Variants in PTOV1 observed in about 807,000 individuals in gnomAD.
PTOV1 encodes the protein PTOV1 extended AT-hook containing adaptor protein, also known as prostate tumor-overexpressed gene 1 protein.
In PTOV1, 20 loss-of-function variants were observed where a neutral mutation model predicts 58.0. That is an observed-to-expected ratio of 0.34 (90% CI 0.24 to 0.50). PTOV1 has a LOEUF of 0.50. Ranked by LOEUF, PTOV1 falls within the 20% of genes least tolerant of loss-of-function variation. The pLI is 0.98. For missense variants in PTOV1, 593 were observed against 565.4 expected, an observed-to-expected ratio of 1.05 and a Z score of -0.50; for synonymous variants, 335 against 234.2, an observed-to-expected ratio of 1.43 and a Z score of -3.93.
chr19:49,860,459 CAGCGGTCCT>C (rs1600408901), exon 12 of PTOV1: 2 of 970,860 alleles, frequency 2.1e-6, no homozygotes, highest in Non-Finnish European at 3.0e-6. Flanking sequence ...GCAGCAGTCC[CAGCGGTCCT>C]AGGCTGTCGG....
chr19:49,855,103 C>T, intron 5 of PTOV1, 26 bp downstream of exon 5: 2 of 1,547,544 alleles, frequency 1.3e-6, no homozygotes, highest in South Asian at 1.2e-5. Flanking sequence ...TCCCTTGTAG[C>T]ACTGTGGTGA....
At chr19:49,850,780 T>C (rs1325820613), upstream of PTOV1, 4 of 1,430,306 alleles carry the variant, frequency 2.8e-6, no homozygotes, top group East Asian at 2.5e-5. Flanking sequence ...GTGGGTTCCC[T>C]TTCAGTGGGT....
rs927374719 is a variant in PTOV1 at position 49,855,272 on chromosome 19, T to A, written c.558+195T>A. The A allele has an allele frequency of 5.0e-6, 3 of 596,986 alleles. No homozygotes were observed. In the African/African-American group the frequency reaches 5.6e-5, roughly 11 times the overall value. The allele number at this position is 596,986 out of a possible 1,614,324, so 37.0% of individuals were successfully genotyped here. A position where few individuals can be genotyped will look rare whatever the true frequency, so the allele number is the denominator to read the frequency against. ...GAGCACAGGGTGAAGGAACTCAGCC[T>A]GAGAGGCCTCCAGTTTCTGCATCTG... On this transcript the variant is annotated intron_variant, in intron 5 of 11. Coordinates refer to ENST00000391842, the Ensembl canonical transcript of PTOV1.
chr19:49,853,957 G>C (rs2074358055), intron 1 of PTOV1, among the ~76,000 whole-genome samples: 1 of 152,256 alleles, frequency 6.6e-6, no homozygotes, highest in African/African-American at 2.4e-5. Flanking sequence ...GCCTGGGAAA[G>C]ACAGGGCAAG....
Position 49,854,398 on chromosome 19 carries a change from C to T in PTOV1, c.172-8C>T, listed in dbSNP as rs773625995. 3.1e-6 allele frequency: 5 copies of T among 1,605,868 alleles called. No homozygotes were observed. The highest frequency in any genetic ancestry group is 3.4e-6 in the Non-Finnish European group (4 of 1,175,910). On this transcript the variant is annotated splice_polypyrimidine_tract_variant and splice_region_variant and intron_variant, in intron 1 of 11. Coordinates refer to ENST00000391842, the Ensembl canonical transcript of PTOV1. ...CAGTTTTCCCACCTATCCCCCACTCCATTGCAGGAAGGTGCTCGGGTCTTC... is the reference window on the plus strand; with the variant it reads ...CAGTTTTCCCACCTATCCCCCACTCTATTGCAGGAAGGTGCTCGGGTCTTC...
intron 5 of PTOV1, 120 bp from the exon 6 acceptor site, chr19:49,856,853 CTG>C: frequency 1.7e-6 from 2 of 1,210,110 alleles, no homozygotes; most frequent in South Asian, 2.8e-5. Context: ...ATGGCCTTGA[CTG>C]TGGGGGCCTC....
At chr19:49,852,901 C>T (rs2074308491) in intron 1 of PTOV1, 3 of 152,256 alleles carry the variant, frequency 2.0e-5, no homozygotes, top group Non-Finnish European at 4.4e-5. Flanking sequence ...TGCGTTTTAA[C>T]TCATCTCAGA....
At chr19:49,860,096 C>T (rs2074684051) in exon 11 of PTOV1, 8 of 1,614,214 alleles carry the variant, frequency 5.0e-6, no homozygotes, top group South Asian at 1.1e-5. Flanking sequence ...ATGACCAGGG[C>T]AACTTTGTCA....
At chr19:49,850,852 C>G (rs774953925), upstream of PTOV1, 201 of 1,535,236 alleles carry the variant, frequency 1.3e-4, no homozygotes, top group Non-Finnish European at 1.7e-4. Flanking sequence ...TTGGCGCGGT[C>G]TCCTGGCTCT....
intron 10 of PTOV1, chr19:49,858,921 G>A (rs746809734): frequency 2.4e-4 from 88 of 365,672 alleles, no homozygotes; most frequent in Non-Finnish European, 3.7e-4. Flanking sequence ...CCACTCCTCA[G>A]GGACAGGCGC....
exon 5 of PTOV1, chr19:49,855,050 G>T: frequency 1.3e-6 from 2 of 1,597,576 alleles, no homozygotes; most frequent in African/African-American, 2.7e-5. Context: ...CGCTCAAGGG[G>T]CTCTGCCGCA....
intron 5 of PTOV1, 148 bp from the exon 6 acceptor site, chr19:49,856,827 C>T (rs1210896086): frequency 1.1e-6 from 1 of 936,462 alleles, no homozygotes; most frequent in African/African-American, 1.7e-5. Flanking sequence ...CTCTCAGAGG[C>T]CCCTCACCTA....
At chr19:49,860,389 G>GC in exon 12 of PTOV1, 1 of 1,203,046 alleles carries the variant, frequency 8.3e-7, no homozygotes, top group Non-Finnish European at 1.2e-6. Flanking sequence ...TGTGGGGGGG[G>GC]TGGGGTTGGG....
chr19:49,856,939 C>G, intron 5 of PTOV1, 36 bp from the exon 6 acceptor site: 1 of 1,609,122 alleles, frequency 6.2e-7, no homozygotes, highest in Non-Finnish European at 8.5e-7. Context: ...TGGCCCCGGG[C>G]AGTGACCACA....
chr19:49,858,629 G>A (rs1295908922), exon 10 of PTOV1: 1 of 1,602,846 alleles, frequency 6.2e-7, no homozygotes, highest in South Asian at 1.1e-5. Context: ...TGAAGAGCCT[G>A]TGCCGGATCA....
intron 5 of PTOV1, 149 bp downstream of exon 5, chr19:49,855,226 T>C: frequency 1.4e-6 from 1 of 710,510 alleles, no homozygotes; most frequent in Non-Finnish European, 2.4e-6. Flanking sequence ...TGGAAATGAC[T>C]GACTCCAGGC....
upstream of PTOV1, chr19:49,851,109 C>T: frequency 1.5e-6 from 2 of 1,368,514 alleles, no homozygotes; most frequent in Middle Eastern, 2.6e-4. Context: ...ACGCTCCGGC[C>T]ACGCCCCCTC....
Position 49,854,402 on chromosome 19 carries a change from G to A in PTOV1, c.172-4G>A. The stretch of plus-strand genomic sequence containing the variant: ...TTTCCCACCTATCCCCCACTCCATT[G>A]CAGGAAGGTGCTCGGGTCTTCGGGG... On this transcript the variant is annotated splice_polypyrimidine_tract_variant and splice_region_variant and intron_variant, in intron 1 of 11. Transcript: ENST00000391842. 1.2e-6 allele frequency: 2 copies of A among 1,607,048 alleles called. No individual in the cohort carries two copies. The highest frequency in any genetic ancestry group is 1.1e-5 in the South Asian group (1 of 90,732).
intron 1 of PTOV1, chr19:49,852,168 T>G: frequency 1.3e-6 from 1 of 760,728 alleles, no homozygotes; most frequent in Middle Eastern, 6.7e-4. Flanking sequence ...ATCGCGACTT[T>G]GCACCGTGCA....
Sources: gnomAD v4.1 joint callset for allele counts (sites outside exome capture counted in the v4.1 genomes callset) on GRCh38, gnomAD v4.1.1 for gene constraint, MANE v1.5 for transcripts, NCBI Gene and HGNC (gene_info 2026-07-23, HGNC 2026-07-21) for gene names.